The following RIMBP2 variants were observed in gnomAD, a reference collection of about 807,000 sequenced individuals.
The protein encoded by RIMBP2 is RIMS-binding protein 2.
Under a neutral mutation model 118.6 loss-of-function variants are expected in RIMBP2, and 48 were observed. That is an observed-to-expected ratio of 0.40 (90% CI 0.32 to 0.51). The LOEUF (loss-of-function observed/expected upper bound fraction) is 0.51. Ranked by LOEUF, RIMBP2 falls within the 20% of genes least tolerant of loss-of-function variation. RIMBP2 has a pLI of 0.41. For missense variants in RIMBP2, 1,551 were observed against 1,768.3 expected, an observed-to-expected ratio of 0.88 and a Z score of 2.20; for synonymous variants, 762 against 742.9, an observed-to-expected ratio of 1.03 and a Z score of -0.42.
intron 2 of RIMBP2, among the ~76,000 whole-genome samples, chr12:130,596,791 T>C (rs553706642): frequency 6.6e-6 from 1 of 152,328 alleles, no homozygotes; most frequent in East Asian, 1.9e-4. Context: ...AGTCAGATTT[T>C]TCAAAGATAA....
intron 2 of RIMBP2, among the ~76,000 whole-genome samples, chr12:130,615,259 T>C (rs368215625): frequency 1.3e-4 from 3 of 23,322 alleles, no homozygotes; most frequent in Non-Finnish European, 2.5e-4. Flanking sequence ...ATTATGTATA[T>C]ATACATAATA....
In RIMBP2 at chr12:130,512,973, T is replaced by A. The variant is rs200220197; in HGVS notation, c.-127+4855A>T. 3.8e-4 allele frequency among the ~76,000 whole-genome samples: 58 copies of A among 152,272 alleles called. No individual in the cohort carries two copies. In the East Asian group the frequency reaches 0.011, roughly 29 times the overall value. On this transcript the variant is annotated intron_variant, in intron 3 of 22. Coordinates refer to ENST00000690449, the MANE Select transcript of RIMBP2 (RefSeq NM_001393629.1). The stretch of plus-strand genomic sequence containing the variant: ...TGTGTGTCATCCTTTTAAACTTTCA[T>A]AATTTTTTTACTAGGAAAAAAAATG...
Position 130,506,340 on chromosome 12 carries a change from C to T in RIMBP2, c.-4+308G>A, listed in dbSNP as rs1187023271. Among the ~76,000 whole-genome samples, 3 of 152,300 alleles carry T rather than the reference C, an allele frequency of 2.0e-5. No homozygotes were observed. In the East Asian group the frequency reaches 5.8e-4, roughly 29 times the overall value. On this transcript the variant is annotated intron_variant, in intron 4 of 22. Transcript: ENST00000690449. The stretch of plus-strand genomic sequence containing the variant: ...CACTGTAGCCACCTCTGGTCTTTAA[C>T]GTAGGCAGACTCCATTTCCATTCAG...
In RIMBP2 at chr12:130,446,901, G is replaced by C. The variant is rs543666140; in HGVS notation, c.582-1632C>G. Among the ~76,000 whole-genome samples, 1 of 152,030 alleles carries C rather than the reference G, an allele frequency of 6.6e-6. No homozygotes were observed. Among genetic ancestry groups the C allele is most frequent in the Admixed American group, 6.5e-5 (1 of 15,268 alleles). On this transcript the variant is annotated intron_variant, in intron 9 of 22. Transcript: ENST00000690449. The surrounding 1 kb of genome is among the most constrained non-coding windows in gnomAD (Gnocchi z 4.1). ...GTGACTTAGGAGGCTGTGGAAATGCGGGTTGCCTGGCTGCAGGGATGAGGG... is the reference window on the plus strand; with the variant it reads ...GTGACTTAGGAGGCTGTGGAAATGCCGGTTGCCTGGCTGCAGGGATGAGGG...
At chr12:130,435,860 G>A (rs576653496) in intron 13 of RIMBP2, among the ~76,000 whole-genome samples, 11 of 152,274 alleles carry the variant, frequency 7.2e-5, no homozygotes, top group East Asian at 1.9e-4. Flanking sequence ...TGTCACCATC[G>A]TCCTTTCTGT....
intron 2 of RIMBP2, among the ~76,000 whole-genome samples, chr12:130,559,165 GAGA>G (rs2056613480): frequency 1.3e-5 from 2 of 152,078 alleles, no homozygotes; most frequent in African/African-American, 2.4e-5. Flanking sequence ...TCTCTGTGGT[GAGA>G]AGATTTGAAA....
intron 1 of RIMBP2, among the ~76,000 whole-genome samples, chr12:130,694,906 C>T (rs1282623298): frequency 6.6e-6 from 1 of 152,180 alleles, no homozygotes; most frequent in Admixed American, 6.5e-5. Context: ...CAAACACTAA[C>T]CAAATGGGTA....
At chr12:130,627,851 C>T (rs1212485621) in intron 2 of RIMBP2, among the ~76,000 whole-genome samples, 1 of 152,212 alleles carries the variant, frequency 6.6e-6, no homozygotes, top group African/African-American at 2.4e-5. Flanking sequence ...ACTACATGGT[C>T]GCCGCCTAAT....
intron 2 of RIMBP2, among the ~76,000 whole-genome samples, chr12:130,611,373 C>T (rs2060537250): frequency 6.6e-6 from 1 of 152,252 alleles, no homozygotes; most frequent in South Asian, 2.1e-4. Flanking sequence ...GCTACAGCCT[C>T]CATCAGACAA....
rs185842138 is a variant in RIMBP2, at chr12:130,424,112, G to A, written c.3129+30C>T. 46 of 1,151,920 alleles carry A rather than the reference G, an allele frequency of 4.0e-5. No individual in the cohort carries two copies. Among genetic ancestry groups the A allele is most frequent in the Middle Eastern group, 3.3e-4 (1 of 3,062 alleles). The allele number at this position is 1,151,920 out of a possible 1,614,324, so 71.4% of individuals were successfully genotyped here. A position where few individuals can be genotyped will look rare whatever the true frequency, so the allele number is the denominator to read the frequency against. On this transcript the variant is annotated intron_variant, in intron 16 of 22. Coordinates refer to ENST00000690449, the MANE Select transcript of RIMBP2 (RefSeq NM_001393629.1). The surrounding 1 kb of genome is among the most constrained non-coding windows in gnomAD (Gnocchi z 9.8). ...GATGGGACAGATTGGTTTGGCAAGC[G>A]GCTGTGAAAAGGAAGTTTAGGTCAC...
rs181900780 is a variant in RIMBP2, at chr12:130,414,457, G to T, written c.3239-151C>A. On this transcript the variant is annotated intron_variant, in intron 17 of 22. Transcript: ENST00000690449. ...TTAACATGTAGGTGGAAATAGATCGGGAGGTCTAGGTCAGATGAATTGGAG... is the reference window on the plus strand; with the variant it reads ...TTAACATGTAGGTGGAAATAGATCGTGAGGTCTAGGTCAGATGAATTGGAG... 8 of 688,390 alleles carry T rather than the reference G, an allele frequency of 1.2e-5. No individual in the cohort carries two copies. In the East Asian group the frequency reaches 1.9e-4, roughly 16 times the overall value. The allele number at this position is 688,390 out of a possible 1,614,324, so 42.6% of individuals were successfully genotyped here. A position where few individuals can be genotyped will look rare whatever the true frequency, so the allele number is the denominator to read the frequency against.
At chr12:130,509,863 T>C (rs1275495910) in intron 3 of RIMBP2, among the ~76,000 whole-genome samples, 1 of 152,226 alleles carries the variant, frequency 6.6e-6, no homozygotes, top group Non-Finnish European at 1.5e-5. Context: ...GAAAAAACAT[T>C]AGCAGCCCAG....
At chr12:130,657,615 A>G (rs2063483018) in intron 1 of RIMBP2, among the ~76,000 whole-genome samples, 1 of 152,114 alleles carries the variant, frequency 6.6e-6, no homozygotes, top group African/African-American at 2.4e-5. Context: ...AGTGACCCGC[A>G]GAAGGGCTGT....
At chr12:130,457,162 G>T (rs2079525284) in intron 6 of RIMBP2, among the ~76,000 whole-genome samples, 1 of 152,186 alleles carries the variant, frequency 6.6e-6, no homozygotes, top group South Asian at 2.1e-4. Flanking sequence ...AGCAGCTCAG[G>T]TGCTGTCCCA....
intron 20 of RIMBP2, among the ~76,000 whole-genome samples, chr12:130,407,308 G>GCGA (rs2075270857): frequency 6.6e-6 from 1 of 152,146 alleles, no homozygotes; most frequent in African/African-American, 2.4e-5. Flanking sequence ...GCTGTGCCAG[G>GCGA]CGACACAACC....
intron 1 of RIMBP2, among the ~76,000 whole-genome samples, chr12:130,685,006 C>T (rs1001091428): frequency 2.6e-5 from 4 of 152,160 alleles, no homozygotes; most frequent in African/African-American, 9.7e-5. Flanking sequence ...ACATTTTTGT[C>T]AACATGAGTT....
chr12:130,525,161 A>G lies in RIMBP2; in HGVS notation c.-216-7244T>C, dbSNP rs1021361645. On this transcript the variant is annotated intron_variant, in intron 2 of 22. Coordinates refer to ENST00000690449, the MANE Select transcript of RIMBP2 (RefSeq NM_001393629.1). This position sits in a 1 kb window ranked among gnomAD's most constrained non-coding sequence, Gnocchi z 4.4. The stretch of plus-strand genomic sequence containing the variant: ...AGAAGCCCAAGCATCACAAATGGGC[A>G]TGAGCCGTTCCTGTAGAGTGCAGGG... Among the ~76,000 whole-genome samples, 1 of 152,220 alleles carries G rather than the reference A, an allele frequency of 6.6e-6. No individual in the cohort carries two copies. The highest frequency in any genetic ancestry group is 2.4e-5 in the African/African-American group (1 of 41,454).
At chr12:130,530,217 C>T (rs567494475) in intron 2 of RIMBP2, among the ~76,000 whole-genome samples, 7 of 152,266 alleles carry the variant, frequency 4.6e-5, no homozygotes, top group South Asian at 4.2e-4. Flanking sequence ...GGGAAAACTT[C>T]GCCAGGGGAA....
rs909431810 is a variant in RIMBP2, at chr12:130,442,846, C to T, written c.692-186G>A. Reference sequence around the variant, plus strand: ...ACACCCACCATCTAAAGAGCCAGCTCCTCCATCCCCGTGGCCCAGTCTTCT... The same window carrying T: ...ACACCCACCATCTAAAGAGCCAGCTTCTCCATCCCCGTGGCCCAGTCTTCT... On this transcript the variant is annotated intron_variant, in intron 10 of 22. Coordinates refer to ENST00000690449, the MANE Select transcript of RIMBP2 (RefSeq NM_001393629.1). The surrounding 1 kb of genome is among the most constrained non-coding windows in gnomAD (Gnocchi z 6.9). Among the ~76,000 whole-genome samples, 4 of 152,184 alleles carry T rather than the reference C, an allele frequency of 2.6e-5. No homozygotes were observed. Among genetic ancestry groups the T allele is most frequent in the African/African-American group, 7.2e-5 (3 of 41,440 alleles).
Sources: gnomAD v4.1 joint callset for allele counts (sites outside exome capture counted in the v4.1 genomes callset) on GRCh38, gnomAD v4.1.1 for gene constraint, Gnocchi (gnomAD v3.1) non-coding constraint, MANE v1.5 for transcripts, NCBI Gene and HGNC (gene_info 2026-07-23, HGNC 2026-07-21) for gene names.